Variants in CLDN10 observed in about 807,000 individuals in gnomAD.
The protein encoded by CLDN10 is claudin 10.
A neutral mutation model predicts 22.9 loss-of-function variants in CLDN10; 15 were observed. The ratio of observed to expected loss-of-function variants is 0.65; its 90% CI spans 0.44 to 1.01. CLDN10 has a LOEUF of 1.01. CLDN10 is among the 50% of genes least tolerant of loss of function. The pLI is 0.00. For missense variants in CLDN10, 247 were observed against 287.8 expected, an observed-to-expected ratio of 0.86 and a Z score of 1.03; for synonymous variants, 114 against 111.4, an observed-to-expected ratio of 1.02 and a Z score of -0.15.
intron 1 of CLDN10, among the ~76,000 whole-genome samples, chr13:95,448,439 G>A (rs954565889): frequency 6.6e-6 from 1 of 152,126 alleles, no homozygotes; most frequent in Non-Finnish European, 1.5e-5. Context: ...CATACACCAT[G>A]CACCTTGCAG....
At chr13:95,548,731 G>T (rs779064934), upstream of CLDN10, among the ~76,000 whole-genome samples, 1 of 152,152 alleles carries the variant, frequency 6.6e-6, no homozygotes, top group East Asian at 1.9e-4. Flanking sequence ...ACAATACTTG[G>T]CTCCTGGGCA....
chr13:95,456,221 T>A (rs2042480639), intron 1 of CLDN10, among the ~76,000 whole-genome samples: 1 of 152,212 alleles, frequency 6.6e-6, no homozygotes, highest in Non-Finnish European at 1.5e-5. Flanking sequence ...TATCTGCACA[T>A]CCAAGTAAAT....
intron 1 of CLDN10, among the ~76,000 whole-genome samples, chr13:95,527,019 C>G (rs555488064): frequency 6.6e-6 from 1 of 152,252 alleles, no homozygotes; most frequent in South Asian, 2.1e-4. Context: ...CCCCATTGAA[C>G]AGAGCTGAGT....
chr13:95,474,133 G>A (rs1042497647), intron 1 of CLDN10, among the ~76,000 whole-genome samples: 2 of 152,182 alleles, frequency 1.3e-5, no homozygotes, highest in Admixed American at 1.3e-4. Flanking sequence ...ATCAGTGGGA[G>A]CCCTGAGCTT....
chr13:95,491,345 T>A (rs958537389), intron 1 of CLDN10, among the ~76,000 whole-genome samples: 2 of 151,996 alleles, frequency 1.3e-5, no homozygotes, highest in Admixed American at 6.6e-5. Context: ...CTTGGAGGCT[T>A]TGTTCATATT....
At chr13:95,490,008 G>A (rs2042853891) in intron 1 of CLDN10, among the ~76,000 whole-genome samples, 2 of 152,148 alleles carry the variant, frequency 1.3e-5, no homozygotes, top group East Asian at 3.8e-4. Flanking sequence ...TGTTTGCTTT[G>A]TTGAAGATCA....
At chr13:95,456,088 G>A (rs2042479555) in intron 1 of CLDN10, among the ~76,000 whole-genome samples, 1 of 152,236 alleles carries the variant, frequency 6.6e-6, no homozygotes, top group Non-Finnish European at 1.5e-5. Context: ...CATCAGGCCA[G>A]AGGCAGGTAC....
intron 1 of CLDN10, among the ~76,000 whole-genome samples, chr13:95,517,178 C>A (rs2043177955): frequency 6.8e-6 from 1 of 147,650 alleles, no homozygotes. Flanking sequence ...TCTGTTTTTT[C>A]ATTCTTAAAT....
chr13:95,469,585 A>G (rs1260954469), intron 1 of CLDN10, among the ~76,000 whole-genome samples: 1 of 152,202 alleles, frequency 6.6e-6, no homozygotes, highest in Non-Finnish European at 1.5e-5. Context: ...AACTTACCTA[A>G]GATCTCACCA....
intron 1 of CLDN10, among the ~76,000 whole-genome samples, chr13:95,474,162 G>A (rs577269241): frequency 2.0e-5 from 3 of 152,266 alleles, no homozygotes; most frequent in South Asian, 2.1e-4. Flanking sequence ...GAAACTAGAC[G>A]GTCCCATCTG....
At chr13:95,563,742 A>G (rs1420853472) in intron 3 of CLDN10, among the ~76,000 whole-genome samples, 1 of 152,216 alleles carries the variant, frequency 6.6e-6, no homozygotes, top group Non-Finnish European at 1.5e-5. Context: ...CATAAAAATG[A>G]CATGACACCC....
intron 1 of CLDN10, among the ~76,000 whole-genome samples, chr13:95,440,254 C>T (rs1043681562): frequency 6.6e-6 from 1 of 152,218 alleles, no homozygotes; most frequent in East Asian, 1.9e-4. Flanking sequence ...TTGGATAACA[C>T]TTACCTTTCC....
intron 1 of CLDN10, among the ~76,000 whole-genome samples, chr13:95,489,512 A>G (rs887755938): frequency 6.6e-6 from 1 of 151,868 alleles, no homozygotes; most frequent in Non-Finnish European, 1.5e-5. Flanking sequence ...TTTGTTGGCC[A>G]TTTATATATC....
intron 1 of CLDN10, among the ~76,000 whole-genome samples, chr13:95,454,305 G>A (rs2042461435): frequency 6.6e-6 from 1 of 152,216 alleles, no homozygotes; most frequent in Non-Finnish European, 1.5e-5. Context: ...GCCAGGTGTA[G>A]TAGTGCATGC....
chr13:95,446,380 C>T (rs904903549), intron 1 of CLDN10, among the ~76,000 whole-genome samples: 2 of 152,164 alleles, frequency 1.3e-5, no homozygotes, highest in Admixed American at 1.3e-4. Flanking sequence ...TAGTTTTGAA[C>T]AACTGCCAAG....
At chr13:95,438,818 A>G (rs1399862950) in intron 1 of CLDN10, among the ~76,000 whole-genome samples, 1 of 151,944 alleles carries the variant, frequency 6.6e-6, no homozygotes, top group Non-Finnish European at 1.5e-5. Flanking sequence ...GTCTCTACTG[A>G]AAATACAAAA....
chr13:95,493,071 C>T (rs1007577655), intron 1 of CLDN10, among the ~76,000 whole-genome samples: 3 of 152,226 alleles, frequency 2.0e-5, no homozygotes, highest in Non-Finnish European at 2.9e-5. Context: ...AGAGGGTCTG[C>T]GGCTCCTCTC....
chr13:95,440,337 A>G (rs1446260816), intron 1 of CLDN10, among the ~76,000 whole-genome samples: 2 of 152,228 alleles, frequency 1.3e-5, no homozygotes, highest in Non-Finnish European at 2.9e-5. Context: ...ATTTAATTTC[A>G]GATTAGTTTT....
exon 1 of CLDN10, chr13:95,433,910 A>G (rs1024760103): frequency 3.1e-6 from 5 of 1,614,178 alleles, no homozygotes; most frequent in East Asian, 4.5e-5. Context: ...ACCACGTCCA[A>G]TGAGTGGAAA....
Sources: gnomAD v4.1 joint callset for allele counts (sites outside exome capture counted in the v4.1 genomes callset) on GRCh38, gnomAD v4.1.1 for gene constraint, MANE v1.5 for transcripts, NCBI Gene and HGNC (gene_info 2026-07-23, HGNC 2026-07-21) for gene names.